DMRT1: variants seen among roughly 807,000 people sequenced by gnomAD.
DMRT1 encodes doublesex and mab-3 related transcription factor 1, also known as doublesex- and mab-3-related transcription factor 1.
In DMRT1, 7 loss-of-function variants were observed where a neutral mutation model predicts 32.3. The observed-to-expected ratio is 0.22, with a 90% CI of 0.12 to 0.41. The LOEUF (loss-of-function observed/expected upper bound fraction) is 0.41. Among genes scored for constraint, DMRT1 ranks in the 10% least tolerant of loss-of-function variants. DMRT1 has a pLI of 1.00. For synonymous variants in DMRT1, 278 were observed against 206.1 expected (o/e 1.35, Z -2.99); for missense variants, 625 against 500.5 (o/e 1.25, Z -2.37).
At chr9:930,145 G>A (rs10816063) in intron 4 of DMRT1, among the ~76,000 whole-genome samples, 73,313 of 151,980 alleles carry the variant, frequency 0.48, 19,880 homozygotes, top group East Asian at 0.73. Context: ...CAAATACGGA[G>A]CCTTTTCCAG....
At chr9:917,361 CAG>C (rs1295077482) in intron 4 of DMRT1, among the ~76,000 whole-genome samples, 24 of 152,140 alleles carry the variant, frequency 1.6e-4, no homozygotes, top group African/African-American at 5.8e-4. Context: ...CAATAGATCT[CAG>C]AGTTTATGCA....
chr9:854,750 A>G (rs1815315497), intron 2 of DMRT1, among the ~76,000 whole-genome samples: 1 of 145,994 alleles, frequency 6.8e-6, no homozygotes, highest in South Asian at 2.3e-4. Context: ...AAATTTTCAG[A>G]GTTTCTAGCA....
At chr9:877,589 T>C (rs754867605) in intron 2 of DMRT1, among the ~76,000 whole-genome samples, 60 of 152,244 alleles carry the variant, frequency 3.9e-4, no homozygotes, top group Non-Finnish European at 6.8e-4. Flanking sequence ...GTCACTAATT[T>C]GAACAGAACT....
intron 4 of DMRT1, among the ~76,000 whole-genome samples, chr9:923,650 T>G (rs537194149): frequency 6.6e-6 from 1 of 152,286 alleles, no homozygotes; most frequent in East Asian, 1.9e-4. Flanking sequence ...GTTGTAGAGC[T>G]TGGCTGGCAC....
intron 4 of DMRT1, among the ~76,000 whole-genome samples, chr9:967,465 T>TC (rs1819965501): frequency 6.6e-6 from 1 of 152,228 alleles, no homozygotes; most frequent in Non-Finnish European, 1.5e-5. Context: ...GACATCCCTT[T>TC]CCCCCGTCTT....
At chr9:862,903 G>A (rs10815912) in intron 2 of DMRT1, among the ~76,000 whole-genome samples, 1 of 151,812 alleles carries the variant, frequency 6.6e-6, no homozygotes, top group Non-Finnish European at 1.5e-5. Context: ...AACCTGTGAA[G>A]TTGGTACCTT....
At chr9:863,224 G>T (rs1004488841) in intron 2 of DMRT1, among the ~76,000 whole-genome samples, 1 of 151,564 alleles carries the variant, frequency 6.6e-6, no homozygotes, top group Non-Finnish European at 1.5e-5. Flanking sequence ...AGGCTGAGGT[G>T]GGAGGATTGC....
chr9:886,912 C>G (rs538577827), intron 2 of DMRT1, among the ~76,000 whole-genome samples: 1 of 152,290 alleles, frequency 6.6e-6, no homozygotes, highest in East Asian at 1.9e-4. Flanking sequence ...CTCTGTCAGT[C>G]TGGGCAAGGA....
rs543266881 is a variant in DMRT1 at position 935,649 on chromosome 9, C to T, written c.967+18742C>T. Among the ~76,000 whole-genome samples, 226 of 152,226 alleles carry T rather than the reference C, an allele frequency of 1.5e-3. 3 individuals carry two copies. Among genetic ancestry groups the T allele is most frequent in the Non-Finnish European group, 3.8e-4 (26 of 68,022 alleles). ...GAGAGTTTATGCTGCAAAGAGAGCC[C>T]GTATGTTCATTTTCATGAATCAGTG... is the stretch of plus-strand genomic sequence containing the variant. On this transcript the variant is annotated intron_variant, in intron 4 of 4. Transcript: ENST00000382276.
chr9:851,773 A>G (rs991106261), intron 2 of DMRT1, among the ~76,000 whole-genome samples: 1 of 152,158 alleles, frequency 6.6e-6, no homozygotes, highest in Admixed American at 6.6e-5. Context: ...ATTGGCTAAG[A>G]CTGACCAGAT....
chr9:900,027 C>G (rs1317266825), intron 3 of DMRT1, among the ~76,000 whole-genome samples: 1 of 152,226 alleles, frequency 6.6e-6, no homozygotes, highest in Non-Finnish European at 1.5e-5. Context: ...GGAATGCATT[C>G]ATGTCTTAAC....
chr9:928,466 T>C (rs567094901), intron 4 of DMRT1, among the ~76,000 whole-genome samples: 1 of 152,294 alleles, frequency 6.6e-6, no homozygotes, highest in South Asian at 2.1e-4. Flanking sequence ...AGCCATACTC[T>C]CTGCCTCTTA....
intron 4 of DMRT1, among the ~76,000 whole-genome samples, chr9:960,297 G>T (rs1819729803): frequency 6.6e-6 from 1 of 152,234 alleles, no homozygotes; most frequent in East Asian, 1.9e-4. Flanking sequence ...CTTCACATCA[G>T]AATTGAAACT....
chr9:936,041 C>G (rs186985638), intron 4 of DMRT1, among the ~76,000 whole-genome samples: 54 of 152,234 alleles, frequency 3.5e-4, no homozygotes, highest in African/African-American at 1.3e-3. Context: ...CTGTCTCTAC[C>G]CACTACCTCA....
intron 1 of DMRT1, among the ~76,000 whole-genome samples, chr9:846,502 C>T (rs182430951): frequency 1.3e-5 from 2 of 152,286 alleles, no homozygotes; most frequent in East Asian, 3.9e-4. Flanking sequence ...AGATTGTACT[C>T]CTCCCCTTGG....
chr9:867,405 G>A (rs7867643), intron 2 of DMRT1, among the ~76,000 whole-genome samples: 7,556 of 152,176 alleles, frequency 0.05, 575 homozygotes, highest in African/African-American at 0.16. Flanking sequence ...GCATGCAGTC[G>A]GTTTAATTCT....
intron 2 of DMRT1, among the ~76,000 whole-genome samples, chr9:857,987 T>C (rs149598219): frequency 0.023 from 3,442 of 152,110 alleles, 123 homozygotes; most frequent in African/African-American, 0.079. Context: ...TAGTATTCCA[T>C]GGTGTATATG....
intron 4 of DMRT1, among the ~76,000 whole-genome samples, chr9:961,705 C>A (rs77517460): frequency 0.025 from 3,836 of 152,246 alleles, 82 homozygotes; most frequent in South Asian, 0.13. Context: ...CTGAAAAAGG[C>A]AACATGTATG....
intron 3 of DMRT1, among the ~76,000 whole-genome samples, chr9:910,370 C>T (rs183846832): frequency 2.0e-4 from 30 of 151,440 alleles, no homozygotes; most frequent in African/African-American, 6.5e-4. Flanking sequence ...CAGTTTTATG[C>T]AGCCATGCGA....
Sources: allele counts gnomAD v4.1 joint callset (sites outside exome capture counted in the v4.1 genomes callset), GRCh38; gene constraint gnomAD v4.1.1; transcripts MANE v1.5; gene names NCBI Gene and HGNC (gene_info 2026-07-23, HGNC 2026-07-21).